The following MRTFA variants were observed in gnomAD, a reference collection of about 807,000 sequenced individuals.
MRTFA encodes myocardin-related transcription factor A.
In MRTFA, 20 loss-of-function variants were observed where a neutral mutation model predicts 83.5. The ratio of observed to expected loss-of-function variants is 0.24; its 90% CI spans 0.17 to 0.35. MRTFA has a LOEUF of 0.35. Among genes scored for constraint, MRTFA ranks in the 10% least tolerant of loss-of-function variants. The pLI is 1.00. For synonymous variants in MRTFA, 659 were observed against 541.2 expected, an observed-to-expected ratio of 1.22 and a Z score of -3.02; for missense variants, 1,200 against 1,224.7, an observed-to-expected ratio of 0.98 and a Z score of 0.30.
chr22:40,628,148 T>C (rs755127396), intron 1 of MRTFA, among the ~76,000 whole-genome samples: 3 of 152,202 alleles, frequency 2.0e-5, no homozygotes, highest in Non-Finnish European at 4.4e-5. Context: ...CTTCCCTCTT[T>C]ACATTTCTTC....
At chr22:40,489,301 A>G (rs1428609825) in intron 3 of MRTFA, among the ~76,000 whole-genome samples, 1 of 152,036 alleles carries the variant, frequency 6.6e-6, no homozygotes, top group East Asian at 1.9e-4. Flanking sequence ...TTACAAAATG[A>G]CAGCAATTAA....
intron 2 of MRTFA, among the ~76,000 whole-genome samples, chr22:40,582,577 T>C (rs2055963212): frequency 1.3e-5 from 2 of 151,998 alleles, no homozygotes; most frequent in Admixed American, 1.3e-4. Context: ...ATTCATCAAT[T>C]TGCTCTTATT....
At chr22:40,523,876 A>G (rs1226690053) in intron 3 of MRTFA, among the ~76,000 whole-genome samples, 3 of 152,184 alleles carry the variant, frequency 2.0e-5, no homozygotes, top group African/African-American at 7.2e-5. Flanking sequence ...CACTGATTTG[A>G]GGAATATAAT....
chr22:40,432,163 T>C (rs2053081072), intron 5 of MRTFA, among the ~76,000 whole-genome samples: 1 of 152,108 alleles, frequency 6.6e-6, no homozygotes, highest in South Asian at 2.1e-4. Context: ...GGAGAATCAC[T>C]TGAACTCGTG....
At chr22:40,457,681 G>A (rs903942027) in intron 4 of MRTFA, among the ~76,000 whole-genome samples, 1 of 152,096 alleles carries the variant, frequency 6.6e-6, no homozygotes, top group African/African-American at 2.4e-5. Flanking sequence ...AGATCTATAC[G>A]ACAAAAATAA....
chr22:40,417,134 C>G, intron 13 of MRTFA, 88 bp from the exon 14 acceptor site: 1 of 1,464,238 alleles, frequency 6.8e-7, no homozygotes, highest in South Asian at 1.2e-5. Flanking sequence ...CTCCCTCTGC[C>G]CCAGAATAAG....
chr22:40,532,196 C>T (rs758703189), intron 3 of MRTFA, among the ~76,000 whole-genome samples: 1 of 152,174 alleles, frequency 6.6e-6, no homozygotes, highest in East Asian at 1.9e-4. Flanking sequence ...GCTGAGAACA[C>T]TGAGACTACC....
intron 3 of MRTFA, among the ~76,000 whole-genome samples, chr22:40,484,090 G>A (rs1350679320): frequency 6.6e-6 from 1 of 150,810 alleles, no homozygotes; most frequent in Non-Finnish European, 1.5e-5. Context: ...TTGGGTTATA[G>A]ATAGATAGAT....
intron 1 of MRTFA, among the ~76,000 whole-genome samples, chr22:40,616,790 T>C (rs904116405): frequency 7.2e-5 from 11 of 151,986 alleles, no homozygotes; most frequent in East Asian, 1.9e-4. Flanking sequence ...AGATAGAAAG[T>C]GACTAACATT....
chr22:40,584,463 G>A (rs150243136), intron 2 of MRTFA, among the ~76,000 whole-genome samples: 115 of 152,344 alleles, frequency 7.5e-4, no homozygotes, highest in Non-Finnish European at 1.3e-3. Context: ...TCAGGCAGGC[G>A]TGGTGGCTTG....
At chr22:40,515,203 G>A (rs1036488163) in intron 3 of MRTFA, among the ~76,000 whole-genome samples, 2 of 151,718 alleles carry the variant, frequency 1.3e-5, no homozygotes, top group Non-Finnish European at 2.9e-5. Context: ...CACTGTGCCC[G>A]GCCTTCTCCA....
At chr22:40,602,427 C>T (rs930532174) in intron 1 of MRTFA, among the ~76,000 whole-genome samples, 34 of 152,124 alleles carry the variant, frequency 2.2e-4, no homozygotes, top group African/African-American at 7.5e-4. Flanking sequence ...ACCACATCCA[C>T]CATCTGCCAA....
intron 13 of MRTFA, 139 bp downstream of exon 13, chr22:40,417,202 A>G: frequency 7.2e-7 from 1 of 1,381,790 alleles, no homozygotes; most frequent in Non-Finnish European, 9.8e-7. Context: ...GTCCCCTAAC[A>G]ACCCACTCCC....
chr22:40,557,465 G>A (rs1049210952), intron 2 of MRTFA, among the ~76,000 whole-genome samples: 27 of 152,148 alleles, frequency 1.8e-4, no homozygotes, highest in African/African-American at 6.3e-4. Context: ...GGCAGGGGCA[G>A]GGTAATATAA....
intron 3 of MRTFA, among the ~76,000 whole-genome samples, chr22:40,524,132 T>TA (rs1011359841): frequency 5.3e-5 from 8 of 151,976 alleles, no homozygotes; most frequent in African/African-American, 1.9e-4. Context: ...TGTCTCTCAT[T>TA]AAAAAAAATT....
intron 3 of MRTFA, among the ~76,000 whole-genome samples, chr22:40,467,682 A>C (rs1361886695): frequency 6.6e-6 from 1 of 152,044 alleles, no homozygotes; most frequent in Non-Finnish European, 1.5e-5. Flanking sequence ...TTTCACAGAC[A>C]GTATAAGCCT....
intron 2 of MRTFA, among the ~76,000 whole-genome samples, chr22:40,555,913 A>G (rs1441781506): frequency 6.6e-6 from 1 of 152,168 alleles, no homozygotes; most frequent in East Asian, 1.9e-4. Context: ...TGCTGGGATT[A>G]CAGGCGTGAG....
intron 3 of MRTFA, among the ~76,000 whole-genome samples, chr22:40,504,430 A>C (rs1476207825): frequency 6.6e-6 from 1 of 152,270 alleles, no homozygotes; most frequent in East Asian, 1.9e-4. Flanking sequence ...ATATCTAATC[A>C]GAAATTAGGC....
intron 3 of MRTFA, among the ~76,000 whole-genome samples, chr22:40,507,837 C>A (rs1340618757): frequency 6.6e-6 from 1 of 151,392 alleles, no homozygotes; most frequent in Non-Finnish European, 1.5e-5. Flanking sequence ...GTGACACACA[C>A]CTGTAGTCCC....
Sources: allele counts gnomAD v4.1 joint callset (sites outside exome capture counted in the v4.1 genomes callset), GRCh38; gene constraint gnomAD v4.1.1; transcripts MANE v1.5; gene names NCBI Gene and HGNC (gene_info 2026-07-23, HGNC 2026-07-21).